The following CHST15 variants were observed in gnomAD, a reference collection of about 807,000 sequenced individuals.
CHST15 encodes the protein B cell RAG associated protein (GALNAC4S-6ST).
Under a neutral mutation model 53.6 loss-of-function variants are expected in CHST15, and 30 were observed. The ratio of observed to expected loss-of-function variants is 0.56; its 90% CI spans 0.42 to 0.76. The LOEUF is 0.76. CHST15 is among the 30% of genes least tolerant of loss of function. The pLI is 0.00. For synonymous variants in CHST15, 296 were observed against 289.8 expected, an observed-to-expected ratio of 1.02 and a Z score of -0.22; for missense variants, 627 against 740.5, an observed-to-expected ratio of 0.85 and a Z score of 1.78.
intron 5 of CHST15, among the ~76,000 whole-genome samples, chr10:124,033,891 C>A (rs1947320974): frequency 6.6e-6 from 1 of 152,198 alleles, no homozygotes; most frequent in African/African-American, 2.4e-5. Context: ...ACCCAGGTTC[C>A]TGACCCCCAG....
At chr10:124,078,395 T>G (rs4131643) in intron 1 of CHST15, among the ~76,000 whole-genome samples, 1 of 152,036 alleles carries the variant, frequency 6.6e-6, no homozygotes, top group Non-Finnish European at 1.5e-5. Flanking sequence ...GGTTGCTGAG[T>G]GTATGAAATG....
rs879645004 is a variant in CHST15, at chr10:124,024,323, G to A, written c.1191-2911C>T. Among the ~76,000 whole-genome samples, 18 of 152,108 alleles carry A rather than the reference G, an allele frequency of 1.2e-4. No individual in the cohort carries two copies. The highest frequency in any genetic ancestry group is 5.9e-4 in the Admixed American group (9 of 15,264). On this transcript the variant is annotated intron_variant, in intron 5 of 7. Coordinates refer to ENST00000435907, the MANE Select transcript of CHST15 (RefSeq NM_001270764.2). This position sits in a 1 kb window ranked among gnomAD's most constrained non-coding sequence, Gnocchi z 4.0. ...ACAGGCCCAGAAGCTATCCACCTCCGTAGCCCACCTTGGCACATCGGGTGC... is the reference window on the plus strand; with the variant it reads ...ACAGGCCCAGAAGCTATCCACCTCCATAGCCCACCTTGGCACATCGGGTGC...
At chr10:124,041,849 C>T (rs1006189565) in intron 4 of CHST15, among the ~76,000 whole-genome samples, 3 of 152,182 alleles carry the variant, frequency 2.0e-5, no homozygotes, top group African/African-American at 7.2e-5. Flanking sequence ...AGAGCTGAGT[C>T]TATTTCAGGA....
intron 6 of CHST15, among the ~76,000 whole-genome samples, chr10:124,013,606 G>C (rs1946487642): frequency 6.6e-6 from 1 of 152,228 alleles, no homozygotes; most frequent in Non-Finnish European, 1.5e-5. Flanking sequence ...TACTAAACCT[G>C]AAGGTGGGTT....
At chr10:124,013,646 G>A (rs1433347198) in intron 6 of CHST15, among the ~76,000 whole-genome samples, 1 of 152,184 alleles carries the variant, frequency 6.6e-6, no homozygotes, top group Non-Finnish European at 1.5e-5. Context: ...CTTGCAACTG[G>A]TGTCAGAAGT....
chr10:124,044,825 A>G lies in CHST15; in HGVS notation c.641T>C (p.Leu214Pro), dbSNP rs1160951738. 7 of 1,576,706 alleles carry G rather than the reference A, an allele frequency of 4.4e-6. No individual in the cohort carries two copies. The African/African-American group carries it at 5.4e-5, about 12-fold the overall frequency. Reference protein sequence around the residue: ...FSGQNTTDPYLTNSYVLYSKR... With the variant: ...FSGQNTTDPYPTNSYVLYSKR... ...GGAGTAGAGCACGTAGGAGTTGGTGAGGTAGGGGTCGGTGGTGTTCTGCCC... is the reference window on the plus strand; with the variant it reads ...GGAGTAGAGCACGTAGGAGTTGGTGGGGTAGGGGTCGGTGGTGTTCTGCCC... Residue 214 changes from leucine (L) to proline (P), a missense_variant, in exon 3 of 8, where the codon CTC becomes CCC. Physicochemically the swap from Leu to Pro is moderately conservative, Grantham distance 98 (BLOSUM62 -3). Transcript: ENST00000435907.
chr10:124,034,314 C>A (rs1947337237), intron 5 of CHST15, among the ~76,000 whole-genome samples: 1 of 152,114 alleles, frequency 6.6e-6, no homozygotes, highest in African/African-American at 2.4e-5. Context: ...CTTGGGGGGA[C>A]CATGCTGTGA....
chr10:124,070,241 C>T (rs937586820), intron 1 of CHST15, among the ~76,000 whole-genome samples: 12 of 152,194 alleles, frequency 7.9e-5, no homozygotes, highest in Non-Finnish European at 1.3e-4. Flanking sequence ...AGAGGCCCCT[C>T]TGGGAATCTC....
rs936592522 is a variant in CHST15 at position 124,009,465 on chromosome 10, T to C, written c.*684A>G. 2.5e-5 allele frequency: 25 copies of C among 988,606 alleles called. No homozygotes were observed. In the African/African-American group the frequency reaches 4.2e-4, roughly 17 times the overall value. The allele number at this position is 988,606 out of a possible 1,614,324, so 61.2% of individuals were successfully genotyped here. A position where few individuals can be genotyped will look rare whatever the true frequency, so the allele number is the denominator to read the frequency against. On this transcript the variant is annotated 3_prime_UTR_variant, in exon 8 of 8. Transcript: ENST00000435907. ...AGGTGCTGCCAAAAACTGACTTATTTTTTTCCTTTTGGAAACAGTGACGTT... is the reference window on the plus strand; with the variant it reads ...AGGTGCTGCCAAAAACTGACTTATTCTTTTCCTTTTGGAAACAGTGACGTT...
chr10:124,020,166 G>T, intron 6 of CHST15: 1 of 985,492 alleles, frequency 1.0e-6, no homozygotes, highest in Non-Finnish European at 1.2e-6. Flanking sequence ...AAGAATGAAC[G>T]CAGGAATGCA....
chr10:124,073,289 G>A (rs900173071), intron 1 of CHST15, among the ~76,000 whole-genome samples: 1 of 152,200 alleles, frequency 6.6e-6, no homozygotes, highest in African/African-American at 2.4e-5. Context: ...CACAGATGTA[G>A]TACTGAGCAA....
At chr10:124,012,566 T>C in intron 6 of CHST15, 86 bp from the exon 7 acceptor site, 1 of 1,411,608 alleles carries the variant, frequency 7.1e-7, no homozygotes, top group South Asian at 1.4e-5. Flanking sequence ...GGCATTTCAC[T>C]GTACCACAAA....
chr10:124,084,731 A>G (rs1228482369), intron 1 of CHST15, among the ~76,000 whole-genome samples: 1 of 152,004 alleles, frequency 6.6e-6, no homozygotes, highest in Non-Finnish European at 1.5e-5. Flanking sequence ...GGGCACTAAA[A>G]CTCCCGAACA....
chr10:124,011,307 C>A, intron 7 of CHST15: 1 of 856,576 alleles, frequency 1.2e-6, no homozygotes. Flanking sequence ...ATTGGCCTTA[C>A]TATCCATCTT....
intron 1 of CHST15, among the ~76,000 whole-genome samples, chr10:124,084,119 A>G (rs1201734590): frequency 6.6e-6 from 1 of 152,162 alleles, no homozygotes; most frequent in Non-Finnish European, 1.5e-5. Flanking sequence ...TGCTGCCCCA[A>G]GGAGTCCAGT....
intron 1 of CHST15, among the ~76,000 whole-genome samples, chr10:124,067,075 G>A (rs921513671): frequency 6.6e-6 from 1 of 152,224 alleles, no homozygotes. Flanking sequence ...TGACAAGACA[G>A]TCGCACCCCA....
intron 1 of CHST15, among the ~76,000 whole-genome samples, chr10:124,090,013 C>T (rs1234316239): frequency 6.6e-6 from 1 of 152,190 alleles, no homozygotes; most frequent in African/African-American, 2.4e-5. Flanking sequence ...CTGCCCGCCT[C>T]ACCTCCAGCC....
intron 4 of CHST15, among the ~76,000 whole-genome samples, chr10:124,040,346 G>C (rs555215301): frequency 6.6e-6 from 1 of 152,096 alleles, no homozygotes; most frequent in African/African-American, 2.4e-5. Flanking sequence ...CTCCTCTCTC[G>C]GACCTTAAGA....
intron 5 of CHST15, among the ~76,000 whole-genome samples, chr10:124,031,672 T>A (rs1947228903): frequency 1.3e-5 from 2 of 152,218 alleles, no homozygotes; most frequent in South Asian, 4.1e-4. Context: ...ATTGTTATTA[T>A]TAGTAATAAC....
Sources: gnomAD v4.1 joint callset for allele counts (sites outside exome capture counted in the v4.1 genomes callset) on GRCh38, gnomAD v4.1.1 for gene constraint, Gnocchi (gnomAD v3.1) non-coding constraint, MANE v1.5 for transcripts, NCBI Gene and HGNC (gene_info 2026-07-23, HGNC 2026-07-21) for gene names.